Variants in KAT6B observed in about 807,000 individuals in gnomAD.
KAT6B encodes histone acetyltransferase KAT6B.
In KAT6B, 10 loss-of-function variants were observed where a neutral mutation model predicts 187.5. That is an observed-to-expected ratio of 0.05 (90% CI 0.03 to 0.09). The LOEUF is 0.09. Among genes scored for constraint, KAT6B ranks in the 10% least tolerant of loss-of-function variants. KAT6B has a pLI of 1.00. For synonymous variants in KAT6B, 861 were observed against 926.8 expected (o/e 0.93, Z 1.29); for missense variants, 1,952 against 2,558.9 (o/e 0.76, Z 5.12).
Position 74,970,117 on chromosome 10 carries a change from G to A in KAT6B, c.928+16G>A, listed in dbSNP as rs1370468069. 4 of 1,575,658 alleles carry A rather than the reference G, an allele frequency of 2.5e-6. No homozygotes were observed. Among genetic ancestry groups the A allele is most frequent in the African/African-American group, 2.7e-5 (2 of 74,050 alleles). The stretch of plus-strand genomic sequence containing the variant: ...ATGCCAAAAGGTGAACTTCTAAACT[G>A]TACTAAAAATGTATTTTATTACATA... On this transcript the variant is annotated intron_variant, in intron 6 of 17. Transcript: ENST00000287239.
intron 8 of KAT6B, chr10:74,977,104 G>A: frequency 2.2e-6 from 1 of 463,222 alleles, no homozygotes; most frequent in Non-Finnish European, 4.0e-6. Flanking sequence ...GTAAAAAGAT[G>A]ACAGTGATAA....
At chr10:74,960,554 T>TAAA (rs35201520) in intron 4 of KAT6B, among the ~76,000 whole-genome samples, 1 of 142,692 alleles carries the variant, frequency 7.0e-6, no homozygotes, top group Non-Finnish European at 1.5e-5. Flanking sequence ...TAGTAATCTC[T>TAAA]AAAAAAAAAA....
intron 3 of KAT6B, among the ~76,000 whole-genome samples, chr10:74,914,205 A>T (rs1847475430): frequency 6.6e-6 from 1 of 152,134 alleles, no homozygotes; most frequent in African/African-American, 2.4e-5. Context: ...AAAGAAAAAA[A>T]AAAAAAGTAT....
intron 8 of KAT6B, 42 bp downstream of exon 8, chr10:74,976,372 C>T: frequency 4.6e-6 from 7 of 1,511,820 alleles, no homozygotes; most frequent in Non-Finnish European, 6.4e-6. Flanking sequence ...TGCGTCCCGT[C>T]CCTTTCTCCC....
At chr10:74,864,454 T>C (rs944258805) in intron 3 of KAT6B, among the ~76,000 whole-genome samples, 1 of 152,128 alleles carries the variant, frequency 6.6e-6, no homozygotes, top group African/African-American at 2.4e-5. Context: ...TTGGCCAGGC[T>C]GGTCTCGAAC....
chr10:74,889,470 G>C (rs1845511013), intron 3 of KAT6B, among the ~76,000 whole-genome samples: 1 of 152,146 alleles, frequency 6.6e-6, no homozygotes, highest in South Asian at 2.1e-4. Context: ...TCCAAGAGAA[G>C]GGAGGAGCCG....
At chr10:75,013,591 A>G (rs1844767958) in intron 13 of KAT6B, among the ~76,000 whole-genome samples, 1 of 152,040 alleles carries the variant, frequency 6.6e-6, no homozygotes, top group Non-Finnish European at 1.5e-5. Flanking sequence ...TCTTTCCCCT[A>G]CCTTAAGGAT....
At chr10:74,953,343 A>G (rs1840448960) in intron 3 of KAT6B, among the ~76,000 whole-genome samples, 1 of 152,206 alleles carries the variant, frequency 6.6e-6, no homozygotes, top group Admixed American at 6.5e-5. Flanking sequence ...TTTATAGCCA[A>G]ATAAAATTTT....
chr10:74,962,391 G>C (rs1841164288), intron 4 of KAT6B, among the ~76,000 whole-genome samples: 1 of 152,112 alleles, frequency 6.6e-6, no homozygotes. Context: ...CGGGAGCCCT[G>C]TTGTCACAGT....
chr10:74,924,740 T>C (rs569351758), intron 3 of KAT6B, among the ~76,000 whole-genome samples: 29 of 152,330 alleles, frequency 1.9e-4, no homozygotes, highest in African/African-American at 6.7e-4. Flanking sequence ...ACTATGCTGA[T>C]TGGACATTCC....
At chr10:75,010,240 T>C (rs1844502275) in intron 13 of KAT6B, among the ~76,000 whole-genome samples, 1 of 152,184 alleles carries the variant, frequency 6.6e-6, no homozygotes, top group Non-Finnish European at 1.5e-5. Context: ...AAAAGAAAAG[T>C]AGACCAGTGG....
At position 74,955,066 on chromosome 10, in the gene KAT6B, C is replaced by T. The variant is rs556675250; in HGVS notation, c.622-4904C>T. ...CCACTGATACCAAATTCCATGGATG[C>T]TCAAGTCCCTTATGTAAAATGGTGC... On this transcript the variant is annotated intron_variant, in intron 3 of 17. Coordinates refer to ENST00000287239, the MANE Select transcript of KAT6B (RefSeq NM_012330.4). 2.0e-5 allele frequency among the ~76,000 whole-genome samples: 3 copies of T among 152,292 alleles called. No individual in the cohort carries two copies. The South Asian group carries it at 6.2e-4, about 32-fold the overall frequency.
chr10:74,964,802 AC>A (rs1340297217), intron 4 of KAT6B, among the ~76,000 whole-genome samples: 2 of 152,222 alleles, frequency 1.3e-5, no homozygotes, highest in Non-Finnish European at 2.9e-5. Context: ...TCACTCAGTT[AC>A]ACAAACTAGA....
chr10:74,980,812 ACTC>A (rs1449321926), intron 10 of KAT6B, among the ~76,000 whole-genome samples: 1 of 152,188 alleles, frequency 6.6e-6, no homozygotes, highest in Non-Finnish European at 1.5e-5. Flanking sequence ...TTTGTCTTTT[ACTC>A]AAAGTAACAG....
chr10:74,976,653 C>T, intron 8 of KAT6B: 1 of 404,246 alleles, frequency 2.5e-6, no homozygotes, highest in Non-Finnish European at 4.7e-6. Context: ...CATGCTTCTG[C>T]CATGCTCTCC....
intron 3 of KAT6B, among the ~76,000 whole-genome samples, chr10:74,847,453 A>G (rs1034131789): frequency 6.6e-6 from 1 of 152,154 alleles, no homozygotes; most frequent in Non-Finnish European, 1.5e-5. Flanking sequence ...ACCTGAGGTC[A>G]GCAGTTCAAG....
At chr10:74,913,501 G>A (rs1201147498) in intron 3 of KAT6B, among the ~76,000 whole-genome samples, 2 of 152,152 alleles carry the variant, frequency 1.3e-5, no homozygotes, top group African/African-American at 4.8e-5. Context: ...TTGAGCTGCC[G>A]TTGACTGTGG....
chr10:74,925,737 T>A (rs900969436), intron 3 of KAT6B, among the ~76,000 whole-genome samples: 5 of 152,238 alleles, frequency 3.3e-5, no homozygotes, highest in African/African-American at 1.2e-4. Context: ...ATAACACTTA[T>A]AACAGTGTTA....
intron 3 of KAT6B, among the ~76,000 whole-genome samples, chr10:74,883,352 A>G (rs1238336583): frequency 6.6e-6 from 1 of 152,176 alleles, no homozygotes; most frequent in Non-Finnish European, 1.5e-5. Flanking sequence ...CTGGGACAAT[A>G]GTGTCAAGTA....
Sources: allele counts gnomAD v4.1 joint callset (sites outside exome capture counted in the v4.1 genomes callset), GRCh38; gene constraint gnomAD v4.1.1; transcripts MANE v1.5; gene names NCBI Gene and HGNC (gene_info 2026-07-23, HGNC 2026-07-21).